SCHIP1: variants seen among roughly 807,000 people sequenced by gnomAD.
SCHIP1 encodes schwannomin interacting protein 1.
A neutral mutation model predicts 29.7 loss-of-function variants in SCHIP1; 8 were observed. The observed-to-expected ratio is 0.27, with a 90% CI of 0.16 to 0.49. SCHIP1 has a LOEUF of 0.49. SCHIP1 is among the 20% of genes least tolerant of loss of function. The pLI is 0.99. For synonymous variants in SCHIP1, 76 were observed against 94.9 expected (o/e 0.80, Z 1.16); for missense variants, 193 against 294.6 (o/e 0.66, Z 2.52).
At chr3:159,839,863 T>A (rs1744047624) in exon 1 of SCHIP1, 1 of 1,360,576 alleles carries the variant, frequency 7.3e-7, no homozygotes, top group African/African-American at 1.5e-5. Context: ...ACTGATCCTT[T>A]TCTTTGTGCC....
chr3:159,693,651 T>C, the SCHIP1 span, among the ~76,000 whole-genome samples: 1 of 152,162 alleles, frequency 6.6e-6, no homozygotes, highest in Non-Finnish European at 1.5e-5. Flanking sequence ...TGATTGTGAC[T>C]ATAGGTAGAG....
At chr3:159,455,564 A>T in the SCHIP1 span, among the ~76,000 whole-genome samples, 1 of 152,256 alleles carries the variant, frequency 6.6e-6, no homozygotes, top group Admixed American at 6.5e-5. Context: ...GAGAAAAATC[A>T]CTGTGGGAAT....
chr3:159,680,945 T>C, the SCHIP1 span, among the ~76,000 whole-genome samples: 1 of 151,418 alleles, frequency 6.6e-6, no homozygotes, highest in Non-Finnish European at 1.5e-5. Flanking sequence ...AAAGCTGTTA[T>C]ATTGCTACAT....
chr3:159,317,296 G>C, the SCHIP1 span, among the ~76,000 whole-genome samples: 6 of 152,184 alleles, frequency 3.9e-5, no homozygotes, highest in African/African-American at 1.4e-4. Flanking sequence ...TGTCCAGGTG[G>C]CAATCTTAAC....
chr3:159,657,034 A>C, the SCHIP1 span, among the ~76,000 whole-genome samples: 1 of 151,450 alleles, frequency 6.6e-6, no homozygotes, highest in Non-Finnish European at 1.5e-5. Flanking sequence ...GCATACTGCC[A>C]ATCTCGAATG....
At chr3:159,552,053 T>G in the SCHIP1 span, among the ~76,000 whole-genome samples, 3 of 146,878 alleles carry the variant, frequency 2.0e-5, no homozygotes, top group African/African-American at 2.6e-5. Flanking sequence ...TTTTTTTTTT[T>G]TTTGAAACAG....
chr3:159,880,883 C>A (rs1716368252), intron 2 of SCHIP1, among the ~76,000 whole-genome samples: 1 of 152,104 alleles, frequency 6.6e-6, no homozygotes, highest in Non-Finnish European at 1.5e-5. Context: ...ATTGTATTTT[C>A]ATAACAAATA....
At chr3:159,532,609 A>G in the SCHIP1 span, among the ~76,000 whole-genome samples, 1 of 152,252 alleles carries the variant, frequency 6.6e-6, no homozygotes, top group Admixed American at 6.5e-5. Flanking sequence ...AAGGAAAAAA[A>G]TGTCTAAAAC....
chr3:159,584,186 C>T, the SCHIP1 span, among the ~76,000 whole-genome samples: 2 of 152,266 alleles, frequency 1.3e-5, no homozygotes, highest in South Asian at 2.1e-4. Context: ...AGTCAAAAAA[C>T]CCTTTTGTTA....
chr3:159,756,439 G>A, the SCHIP1 span, among the ~76,000 whole-genome samples: 39 of 152,264 alleles, frequency 2.6e-4, no homozygotes, highest in Middle Eastern at 3.4e-3. Flanking sequence ...TCTCTAGGCT[G>A]CACAAAGCAC....
At chr3:159,884,335 ATGTG>A (rs1716742523) in intron 2 of SCHIP1, among the ~76,000 whole-genome samples, 1 of 135,100 alleles carries the variant, frequency 7.4e-6, no homozygotes, top group Non-Finnish European at 1.6e-5. Context: ...AAAAATATAT[ATGTG>A]TGTCTGTGTC....
At chr3:159,758,157 A>AT in the SCHIP1 span, among the ~76,000 whole-genome samples, 653 of 147,560 alleles carry the variant, frequency 4.4e-3, 6 homozygotes, top group African/African-American at 0.014. Context: ...ACAGACTTAC[A>AT]TTTTTTTTTT....
At chr3:159,549,051 A>AGCTTAGTTGAACTGAAATT in the SCHIP1 span, among the ~76,000 whole-genome samples, 1 of 152,160 alleles carries the variant, frequency 6.6e-6, no homozygotes, top group Non-Finnish European at 1.5e-5. Flanking sequence ...GCAGACCTTT[A>AGCTTAGTTGAACTGAAATT]GCTTAGTTGA....
the SCHIP1 span, among the ~76,000 whole-genome samples, chr3:159,607,832 A>G: frequency 6.6e-6 from 1 of 152,210 alleles, no homozygotes; most frequent in African/African-American, 2.4e-5. Context: ...CCATAGACTC[A>G]AACTTCAGTC....
chr3:159,392,485 CAGAG>C, the SCHIP1 span, among the ~76,000 whole-genome samples: 1 of 148,312 alleles, frequency 6.7e-6, no homozygotes. Context: ...CAACAGGCCC[CAGAG>C]TGTGTTCCCC....
the SCHIP1 span, among the ~76,000 whole-genome samples, chr3:159,392,982 C>G: frequency 6.6e-6 from 1 of 152,136 alleles, no homozygotes; most frequent in Non-Finnish European, 1.5e-5. Context: ...CTGTTGTTTC[C>G]TGACTTTTTA....
chr3:159,834,534 A>T, the SCHIP1 span, among the ~76,000 whole-genome samples: 1 of 152,194 alleles, frequency 6.6e-6, no homozygotes, highest in Admixed American at 6.5e-5. Flanking sequence ...TGTTGAGGAA[A>T]ACACTTTGTG....
At chr3:159,877,723 G>GAAAAGTATTTCTTCTCTAACC (rs1488372279) in intron 2 of SCHIP1, among the ~76,000 whole-genome samples, 1 of 152,208 alleles carries the variant, frequency 6.6e-6, no homozygotes, top group African/African-American at 2.4e-5. Flanking sequence ...TCTGGAAGGG[G>GAAAAGTATTTCTTCTCTAACC]AAAAGTATTT....
the SCHIP1 span, among the ~76,000 whole-genome samples, chr3:159,519,606 A>T: frequency 7.4e-4 from 113 of 152,170 alleles, 1 homozygote; most frequent in African/African-American, 2.4e-3. Context: ...AAAAACTTTT[A>T]AAAAAAATTA....
Sources: gnomAD v4.1 joint callset for allele counts (sites outside exome capture counted in the v4.1 genomes callset) on GRCh38, gnomAD v4.1.1 for gene constraint, MANE v1.5 for transcripts, NCBI Gene and HGNC (gene_info 2026-07-23, HGNC 2026-07-21) for gene names.